Variants in NALF1 observed in about 807,000 individuals in gnomAD.
The protein encoded by NALF1 is family with sequence similarity 155 member A.
Under a neutral mutation model 48.4 loss-of-function variants are expected in NALF1, and 3 were observed. The ratio of observed to expected loss-of-function variants is 0.06; its 90% CI spans 0.03 to 0.16. The LOEUF (loss-of-function observed/expected upper bound fraction) is 0.16. Ranked by LOEUF, NALF1 falls within the 10% of genes least tolerant of loss-of-function variation. NALF1 has a pLI of 1.00. For synonymous variants in NALF1, 262 were observed against 245.7 expected (o/e 1.07, Z -0.62); for missense variants, 526 against 571.5 (o/e 0.92, Z 0.81).
intron 1 of NALF1, among the ~76,000 whole-genome samples, chr13:107,669,050 A>C (rs943728706): frequency 6.6e-6 from 1 of 152,090 alleles, no homozygotes; most frequent in African/African-American, 2.4e-5. Flanking sequence ...ACTTAATTAC[A>C]TAATACTGAT....
At chr13:107,309,475 A>G (rs988709299) in intron 1 of NALF1, among the ~76,000 whole-genome samples, 1 of 152,248 alleles carries the variant, frequency 6.6e-6, no homozygotes, top group African/African-American at 2.4e-5. Context: ...AATCATACAC[A>G]GGCAAGAAAA....
At chr13:107,410,880 A>C (rs913758834) in intron 1 of NALF1, among the ~76,000 whole-genome samples, 31 of 152,178 alleles carry the variant, frequency 2.0e-4, no homozygotes, top group African/African-American at 7.2e-4. Flanking sequence ...CCAGAGTTAA[A>C]GACTTTTGGT....
intron 1 of NALF1, among the ~76,000 whole-genome samples, chr13:107,731,217 C>A (rs1367656394): frequency 2.6e-5 from 4 of 152,044 alleles, no homozygotes; most frequent in Admixed American, 1.3e-4. Context: ...CATATCTTCA[C>A]AAAGAGATGA....
chr13:107,268,849 AG>A (rs1429007174), intron 1 of NALF1, among the ~76,000 whole-genome samples: 3 of 152,216 alleles, frequency 2.0e-5, no homozygotes, highest in African/African-American at 7.2e-5. Flanking sequence ...GGTAGTCAAG[AG>A]TAACTGAAGG....
chr13:107,406,490 C>T (rs1170267886), intron 1 of NALF1, among the ~76,000 whole-genome samples: 1 of 151,854 alleles, frequency 6.6e-6, no homozygotes, highest in Non-Finnish European at 1.5e-5. Context: ...AACTATAAAA[C>T]ACTGATGCAA....
At chr13:107,445,800 T>C (rs1354808512) in intron 1 of NALF1, among the ~76,000 whole-genome samples, 1 of 152,180 alleles carries the variant, frequency 6.6e-6, no homozygotes, top group Non-Finnish European at 1.5e-5. Context: ...TCTCCACAGT[T>C]TGCATTCCCA....
At chr13:107,747,630 T>C (rs1876819303) in intron 1 of NALF1, among the ~76,000 whole-genome samples, 1 of 152,212 alleles carries the variant, frequency 6.6e-6, no homozygotes, top group Non-Finnish European at 1.5e-5. Flanking sequence ...CGATAGTCTA[T>C]GTGTATTACA....
chr13:107,538,816 A>G (rs1236923638), intron 1 of NALF1, among the ~76,000 whole-genome samples: 1 of 152,194 alleles, frequency 6.6e-6, no homozygotes, highest in East Asian at 1.9e-4. Flanking sequence ...TTTAAGAATT[A>G]TAATAGATAA....
chr13:107,699,645 C>T (rs753282632), intron 1 of NALF1, among the ~76,000 whole-genome samples: 4 of 152,054 alleles, frequency 2.6e-5, no homozygotes, highest in African/African-American at 9.7e-5. Context: ...TACTATTCAA[C>T]ATAGTACTGG....
intron 1 of NALF1, among the ~76,000 whole-genome samples, chr13:107,246,637 G>C (rs1377013115): frequency 6.6e-6 from 1 of 152,138 alleles, no homozygotes; most frequent in Non-Finnish European, 1.5e-5. Flanking sequence ...ATTTGATCAA[G>C]AACATTTTTC....
chr13:107,343,935 A>C (rs1018167095), intron 1 of NALF1, among the ~76,000 whole-genome samples: 1 of 152,090 alleles, frequency 6.6e-6, no homozygotes, highest in Non-Finnish European at 1.5e-5. Flanking sequence ...GAAAAGATTA[A>C]CAAAATTGAC....
In NALF1 at chr13:107,866,349, TGCTGCTGCTGCTGCTGCC is replaced by T. The variant is rs756007181; in HGVS notation, c.230_247del (p.Arg77_Gln82del). 6.2e-6 allele frequency: 10 copies of T among 1,608,722 alleles called. No homozygotes were observed. In the Admixed American group the frequency reaches 1.2e-4, roughly 19 times the overall value. ...CTGCTGCCGCTGCCTCTGCTGCTGC[TGCTGCTGCTGCTGCTGCC>T]GCTGCTGCTGCTGGTGCTCCTTGTC... On this transcript the variant is annotated inframe_deletion, in exon 1 of 3. Coordinates refer to ENST00000375915, the MANE Select transcript of NALF1 (RefSeq NM_001080396.3). This position sits in a 1 kb window ranked among gnomAD's most constrained non-coding sequence, Gnocchi z 4.4.
At chr13:107,728,399 G>A (rs1876217127) in intron 1 of NALF1, among the ~76,000 whole-genome samples, 1 of 152,166 alleles carries the variant, frequency 6.6e-6, no homozygotes, top group African/African-American at 2.4e-5. Context: ...GGATGAAGCT[G>A]GAAACCATCA....
intron 1 of NALF1, among the ~76,000 whole-genome samples, chr13:107,359,223 C>T (rs985108669): frequency 1.3e-5 from 2 of 152,186 alleles, no homozygotes; most frequent in Admixed American, 1.3e-4. Context: ...TCTCCTTGAA[C>T]ACTCAAACCT....
intron 2 of NALF1, among the ~76,000 whole-genome samples, chr13:107,193,886 G>T (rs1879331450): frequency 6.9e-6 from 1 of 144,998 alleles, no homozygotes; most frequent in Non-Finnish European, 1.5e-5. Flanking sequence ...TAAAGCTAGA[G>T]TTGGAGCTGG....
In NALF1 at chr13:107,728,422, T is replaced by G. The variant is rs1037579345; in HGVS notation, c.915+137260A>C. 2.0e-5 allele frequency among the ~76,000 whole-genome samples: 3 copies of G among 152,030 alleles called. No homozygotes were observed. In the East Asian group the frequency reaches 5.8e-4, roughly 29 times the overall value. On this transcript the variant is annotated intron_variant, in intron 1 of 2. Coordinates refer to ENST00000375915, the MANE Select transcript of NALF1 (RefSeq NM_001080396.3). ...CTGGAAACCATCATTCTCAGCAAAC[T>G]AACACAGGAACAGAAAACCAAACAC...
chr13:107,736,221 ACACG>A (rs756176857), intron 1 of NALF1, among the ~76,000 whole-genome samples: 3,734 of 110,534 alleles, frequency 0.034, 58 homozygotes, highest in African/African-American at 0.061. Flanking sequence ...ACACACACAC[ACACG>A]CGCGCGTGTA....
chr13:107,734,023 G>A (rs1036124432), intron 1 of NALF1, among the ~76,000 whole-genome samples: 1 of 152,102 alleles, frequency 6.6e-6, no homozygotes, highest in African/African-American at 2.4e-5. Flanking sequence ...GAATATGTTA[G>A]GCAACGGCAA....
Position 107,556,193 on chromosome 13 carries a change from AT to A in NALF1, c.915+309488del, listed in dbSNP as rs1877468446. ...AAAGAGGGACATGGAAAGATGGGGT[AT>A]TGGACACAGATGTGGGACTGATAGT... is the stretch of plus-strand genomic sequence containing the variant. On this transcript the variant is annotated intron_variant, in intron 1 of 2. Coordinates refer to ENST00000375915, the MANE Select transcript of NALF1 (RefSeq NM_001080396.3). 3.3e-5 allele frequency among the ~76,000 whole-genome samples: 5 copies of A among 151,074 alleles called. No homozygotes were observed. The South Asian group carries it at 1.0e-3, about 32-fold the overall frequency.
Sources: gnomAD v4.1 joint callset for allele counts (sites outside exome capture counted in the v4.1 genomes callset) on GRCh38, gnomAD v4.1.1 for gene constraint, Gnocchi (gnomAD v3.1) non-coding constraint, MANE v1.5 for transcripts, NCBI Gene and HGNC (gene_info 2026-07-23, HGNC 2026-07-21) for gene names.